TSHZ2: variants seen among roughly 807,000 people sequenced by gnomAD.
TSHZ2 encodes teashirt zinc finger homeobox 2.
Under a neutral mutation model 74.4 loss-of-function variants are expected in TSHZ2, and 21 were observed. The ratio of observed to expected loss-of-function variants is 0.28; its 90% CI spans 0.20 to 0.41. The LOEUF is 0.41. Among genes scored for constraint, TSHZ2 ranks in the 10% least tolerant of loss-of-function variants. TSHZ2 has a pLI of 1.00. For synonymous variants in TSHZ2, 540 were observed against 515.3 expected (o/e 1.05, Z -0.65); for missense variants, 1,244 against 1,293.5 (o/e 0.96, Z 0.59).
At chr20:53,189,850 A>T (rs1988684407) in intron 1 of TSHZ2, among the ~76,000 whole-genome samples, 1 of 151,750 alleles carries the variant, frequency 6.6e-6, no homozygotes, top group African/African-American at 2.4e-5. Flanking sequence ...TTGGGAGGCC[A>T]AGGTGGGCAG....
intron 2 of TSHZ2, among the ~76,000 whole-genome samples, chr20:53,348,284 A>G (rs151236277): frequency 3.3e-4 from 51 of 152,360 alleles, no homozygotes; most frequent in African/African-American, 1.2e-3. Flanking sequence ...TATCCATACA[A>G]TGGAATAGCC....
In TSHZ2 at chr20:53,202,461, A is replaced by C. The variant is rs201010611; in HGVS notation, c.41-51038A>C. Among the ~76,000 whole-genome samples, 10 of 152,252 alleles carry C rather than the reference A, an allele frequency of 6.6e-5. No homozygotes were observed. In the East Asian group the frequency reaches 1.4e-3, roughly 21 times the overall value. On this transcript the variant is annotated intron_variant, in intron 1 of 2. Transcript: ENST00000371497. Reference sequence around the variant, plus strand: ...GTTGATACTTACTAGTAATAATTTTATATGCCCCCTTAATCATTGCTAGAA... The same window carrying C: ...GTTGATACTTACTAGTAATAATTTTCTATGCCCCCTTAATCATTGCTAGAA...
intron 1 of TSHZ2, among the ~76,000 whole-genome samples, chr20:53,114,589 G>A (rs1043658556): frequency 6.6e-6 from 1 of 152,150 alleles, no homozygotes; most frequent in African/African-American, 2.4e-5. Context: ...AGAAATTTGA[G>A]GTGTAAAATG....
chr20:53,479,883 A>C (rs573280065), intron 2 of TSHZ2, among the ~76,000 whole-genome samples: 2 of 152,148 alleles, frequency 1.3e-5, no homozygotes, highest in African/African-American at 4.8e-5. Flanking sequence ...GGAAGTATCT[A>C]TCTGGCTGAA....
intron 1 of TSHZ2, among the ~76,000 whole-genome samples, chr20:53,070,344 CCTGT>C (rs1985131309): frequency 6.6e-6 from 1 of 152,054 alleles, no homozygotes; most frequent in African/African-American, 2.4e-5. Flanking sequence ...ACAGAGAAAC[CCTGT>C]CTAATAGCCT....
chr20:53,235,718 A>T (rs11696287), intron 1 of TSHZ2, among the ~76,000 whole-genome samples: 72 of 152,316 alleles, frequency 4.7e-4, no homozygotes, highest in Admixed American at 9.2e-4. Context: ...TGTCGCCTGG[A>T]AGCTATTTAG....
At chr20:53,176,336 G>A (rs2123497937) in intron 1 of TSHZ2, among the ~76,000 whole-genome samples, 1 of 152,342 alleles carries the variant, frequency 6.6e-6, no homozygotes, top group Admixed American at 6.5e-5. Flanking sequence ...CCTGTAGCCA[G>A]CAGGTGTCAG....
intron 1 of TSHZ2, among the ~76,000 whole-genome samples, chr20:53,064,252 T>C (rs186285723): frequency 9.9e-4 from 151 of 152,178 alleles, no homozygotes; most frequent in Non-Finnish European, 1.4e-3. Context: ...GACCAAATGG[T>C]AATAAACAAG....
chr20:53,341,730 G>C (rs186455560), intron 2 of TSHZ2, among the ~76,000 whole-genome samples: 6 of 152,054 alleles, frequency 3.9e-5, no homozygotes, highest in Admixed American at 3.9e-4. Context: ...TGCGGGCTGG[G>C]GGGACAGAGC....
At position 53,385,452 on chromosome 20, in the gene TSHZ2, C is replaced by A. The variant is rs74517222; in HGVS notation, c.*9-101692C>A. On this transcript the variant is annotated intron_variant, in intron 2 of 2. Transcript: ENST00000371497. ...CGCCCCAAAGGATCACTCACGCCTC[C>A]CTCGGTGTAGGAAACGCAGATCACA... 3.9e-5 allele frequency among the ~76,000 whole-genome samples: 6 copies of A among 152,222 alleles called. No individual in the cohort carries two copies. The East Asian group carries it at 1.2e-3, about 29-fold the overall frequency.
At position 53,267,439 on chromosome 20, in the gene TSHZ2, C is replaced by T. The variant is rs1263780987; in HGVS notation, c.*8+10868C>T. On this transcript the variant is annotated intron_variant, in intron 2 of 2. Transcript: ENST00000371497. The stretch of plus-strand genomic sequence containing the variant: ...CAGCCTCTGCTCAGATCCTTAAAGG[C>T]GCTATTCACATCTTTCAATAATCTC... Among the ~76,000 whole-genome samples, 6 of 152,220 alleles carry T rather than the reference C, an allele frequency of 3.9e-5. No homozygotes were observed. In the East Asian group the frequency reaches 5.8e-4, roughly 15 times the overall value.
At position 53,264,735 on chromosome 20, in the gene TSHZ2, T is replaced by C. The variant is rs1990674514; in HGVS notation, c.*8+8164T>C. 3.3e-5 allele frequency among the ~76,000 whole-genome samples: 5 copies of C among 151,986 alleles called. No homozygotes were observed. The South Asian group carries it at 1.0e-3, about 32-fold the overall frequency. Reference sequence around the variant, plus strand: ...GTTATTGTTCCGTGATATGTGTTGATTTTTTTTTATACAAAGCTTCTCCCT... The same window carrying C: ...GTTATTGTTCCGTGATATGTGTTGACTTTTTTTTATACAAAGCTTCTCCCT... On this transcript the variant is annotated intron_variant, in intron 2 of 2. Transcript: ENST00000371497.
At chr20:53,371,771 G>C (rs1464592721) in intron 2 of TSHZ2, among the ~76,000 whole-genome samples, 1 of 151,694 alleles carries the variant, frequency 6.6e-6, no homozygotes, top group African/African-American at 2.4e-5. Flanking sequence ...AGCTACTCCA[G>C]AGGCTGAGGT....
At chr20:53,065,720 G>A (rs1984962933) in intron 1 of TSHZ2, among the ~76,000 whole-genome samples, 1 of 152,230 alleles carries the variant, frequency 6.6e-6, no homozygotes, top group African/African-American at 2.4e-5. Context: ...ATACTACCAT[G>A]AAGAGTGGCT....
chr20:53,100,287 G>A (rs1256434321), intron 1 of TSHZ2, among the ~76,000 whole-genome samples: 1 of 152,134 alleles, frequency 6.6e-6, no homozygotes, highest in Non-Finnish European at 1.5e-5. Flanking sequence ...AACAAGGGAA[G>A]TTCCTTTGCC....
chr20:53,329,081 A>C (rs994285727), intron 2 of TSHZ2, among the ~76,000 whole-genome samples: 1 of 152,200 alleles, frequency 6.6e-6, no homozygotes, highest in African/African-American at 2.4e-5. Flanking sequence ...AGGTCTGACT[A>C]TTGCCATCGG....
intron 2 of TSHZ2, among the ~76,000 whole-genome samples, chr20:53,307,617 C>CT (rs926502649): frequency 2.6e-5 from 4 of 152,132 alleles, no homozygotes; most frequent in Non-Finnish European, 5.9e-5. Context: ...GGATGTAGGG[C>CT]TTTTTTTCTA....
intron 1 of TSHZ2, among the ~76,000 whole-genome samples, chr20:53,207,388 G>C (rs1380218551): frequency 6.6e-6 from 1 of 152,238 alleles, no homozygotes; most frequent in African/African-American, 2.4e-5. Flanking sequence ...GGAGTGACAG[G>C]TTCCCTCTCC....
intron 1 of TSHZ2, among the ~76,000 whole-genome samples, chr20:52,978,873 T>G (rs755937619): frequency 5.3e-5 from 8 of 152,232 alleles, no homozygotes; most frequent in Non-Finnish European, 1.0e-4. Flanking sequence ...GGAGAGCTTA[T>G]CCTTCTATCT....
Sources: allele counts gnomAD v4.1 joint callset (sites outside exome capture counted in the v4.1 genomes callset), GRCh38; gene constraint gnomAD v4.1.1; transcripts MANE v1.5; gene names NCBI Gene and HGNC (gene_info 2026-07-23, HGNC 2026-07-21).